Variants in B3GLCT observed in about 807,000 individuals in gnomAD.
The protein encoded by B3GLCT is beta-1,3-glucosyltransferase.
B3GLCT carries 65 observed loss-of-function variants against 63.4 expected under a neutral mutation model. That is an observed-to-expected ratio of 1.03 (90% confidence interval 0.84 to 1.26). The LOEUF is 1.26. Ranked by LOEUF, B3GLCT falls within the 50% of genes most tolerant of loss-of-function variation. The probability of loss-of-function intolerance (pLI) is 0.00; values close to 1 mark genes in which losing one functional copy is unlikely to be tolerated. For missense variants in B3GLCT, 577 were observed against 604.8 expected (o/e 0.95, Z 0.48); for synonymous variants, 233 against 219.2 (o/e 1.06, Z -0.55).
In B3GLCT at chr13:31,302,565, C is replaced by T. The variant is rs374105520; in HGVS notation, c.1065-15001C>T. 3.6e-3 allele frequency among the ~76,000 whole-genome samples: 400 copies of T among 111,020 alleles called. 5 individuals carry two copies. The highest frequency in any genetic ancestry group is 0.013 in the African/African-American group (386 of 28,962). 72.8% of individuals were successfully genotyped at this position (111,020 alleles called of 152,430 possible). A position where few individuals can be genotyped will look rare whatever the true frequency, so the allele number is the denominator to read the frequency against. ...CTTTCCGAGTCAAAGAAAGGGGTGACGGACGCACCTGGAAAATCGGGTCAC... is the reference window on the plus strand; with the variant it reads ...CTTTCCGAGTCAAAGAAAGGGGTGATGGACGCACCTGGAAAATCGGGTCAC... On this transcript the variant is annotated intron_variant, in intron 12 of 14. Coordinates refer to ENST00000343307, the MANE Select transcript of B3GLCT (RefSeq NM_194318.4).
intron 12 of B3GLCT, among the ~76,000 whole-genome samples, chr13:31,290,898 C>T (rs975114109): frequency 2.0e-5 from 3 of 152,132 alleles, no homozygotes; most frequent in Non-Finnish European, 2.9e-5. Context: ...GCTTTTGTTG[C>T]CGTTGCCTTT....
chr13:31,245,222 A>G (rs1035204806), intron 4 of B3GLCT, among the ~76,000 whole-genome samples: 30 of 152,190 alleles, frequency 2.0e-4, no homozygotes, highest in Admixed American at 2.0e-3. Context: ...TCTCCCAGGA[A>G]AGTGCTTTTG....
At chr13:31,259,825 G>GT (rs969451468) in intron 6 of B3GLCT, among the ~76,000 whole-genome samples, 113 of 147,880 alleles carry the variant, frequency 7.6e-4, no homozygotes, top group Middle Eastern at 3.5e-3. Flanking sequence ...GTTGTTTTCT[G>GT]TTTTTTTTTT....
chr13:31,216,549 A>G (rs1191553828), intron 2 of B3GLCT, among the ~76,000 whole-genome samples: 2 of 152,256 alleles, frequency 1.3e-5, no homozygotes, highest in African/African-American at 4.8e-5. Context: ...TTTGTCACCT[A>G]GGTAAGAAGC....
At chr13:31,283,607 A>T (rs887764904) in intron 10 of B3GLCT, among the ~76,000 whole-genome samples, 2 of 151,908 alleles carry the variant, frequency 1.3e-5, no homozygotes, top group Non-Finnish European at 2.9e-5. Flanking sequence ...GTTTTTTTAA[A>T]AAAAAAGCCA....
At chr13:31,320,051 A>G (rs1012037455) in intron 13 of B3GLCT, among the ~76,000 whole-genome samples, 2 of 152,060 alleles carry the variant, frequency 1.3e-5, no homozygotes, top group East Asian at 1.9e-4. Context: ...GTCATATCCT[A>G]TATGAGCTCC....
rs374412459 is a variant in B3GLCT at position 31,266,127 on chromosome 13, A to C, written c.597-3087A>C. ...ATTCTCCTGCCTCAGCCTCCCGAGT[A>C]GCTGGGACTGCAGGTGCCCGCCACC... On this transcript the variant is annotated intron_variant, in intron 7 of 14. Coordinates refer to ENST00000343307, the MANE Select transcript of B3GLCT (RefSeq NM_194318.4). 1.8e-3 allele frequency among the ~76,000 whole-genome samples: 267 copies of C among 152,118 alleles called. 1 individual carries two copies. The highest frequency in any genetic ancestry group is 6.2e-3 in the African/African-American group (256 of 41,494).
intron 2 of B3GLCT, among the ~76,000 whole-genome samples, chr13:31,216,651 T>C (rs1408843715): frequency 6.6e-6 from 1 of 152,204 alleles, no homozygotes; most frequent in East Asian, 1.9e-4. Context: ...CTTATTTGTG[T>C]CCATGTGTAC....
intron 1 of B3GLCT, among the ~76,000 whole-genome samples, chr13:31,202,126 A>T (rs1357243590): frequency 6.6e-6 from 1 of 152,248 alleles, no homozygotes; most frequent in Non-Finnish European, 1.5e-5. Context: ...ACATGTGAAC[A>T]ATCTTGATAG....
intron 12 of B3GLCT, among the ~76,000 whole-genome samples, chr13:31,294,285 G>A (rs1287711947): frequency 1.3e-5 from 2 of 152,108 alleles, no homozygotes; most frequent in African/African-American, 4.8e-5. Flanking sequence ...ACGATTATGT[G>A]TCTTAGGGTT....
rs367763508 is a variant in B3GLCT at position 31,324,701 on chromosome 13, CT to C, written c.1329+813del. 1.4e-3 allele frequency among the ~76,000 whole-genome samples: 213 copies of C among 152,108 alleles called. 2 individuals are homozygous for C. The highest frequency in any genetic ancestry group is 0.011 in the East Asian group (56 of 5,180). On this transcript the variant is annotated intron_variant, in intron 14 of 14. Coordinates refer to ENST00000343307, the MANE Select transcript of B3GLCT (RefSeq NM_194318.4). ...GATGCCTTCTCTTATATTGAAAATACTTTTTTTATGCCTTATTTATTTATTT... is the reference window on the plus strand; with the variant it reads ...GATGCCTTCTCTTATATTGAAAATACTTTTTTATGCCTTATTTATTTATTT...
Position 31,247,074 on chromosome 13 carries a change from T to C in B3GLCT, c.322T>C (p.Trp108Arg), listed in dbSNP as rs1459670351. The C allele has an allele frequency of 1.2e-6, 2 of 1,613,606 alleles. No individual in the cohort carries two copies. Among genetic ancestry groups the C allele is most frequent in the Non-Finnish European group, 1.7e-6 (2 of 1,179,832 alleles). The change falls in exon 5 of 15, where the codon TGG (tryptophan) becomes CGG (arginine). Residue 108 changes from tryptophan to arginine, a missense_variant. Coordinates refer to ENST00000343307, the MANE Select transcript of B3GLCT (RefSeq NM_194318.4). ...LHQLAKQEGA[W>R]TILPLLPHFS... ...TCAGCTGGCTAAACAAGAAGGTGCATGGACCATACTTCCGTTGTTACCGCA... is the reference window on the plus strand; with the variant it reads ...TCAGCTGGCTAAACAAGAAGGTGCACGGACCATACTTCCGTTGTTACCGCA...
chr13:31,205,244 T>TG (rs1566038005), intron 1 of B3GLCT, among the ~76,000 whole-genome samples: 1 of 151,632 alleles, frequency 6.6e-6, no homozygotes, highest in African/African-American at 2.4e-5. Context: ...GGTTTTTTTT[T>TG]TTTGTTTTTT....
chr13:31,235,665 C>T (rs1870613851), intron 4 of B3GLCT, among the ~76,000 whole-genome samples: 1 of 152,144 alleles, frequency 6.6e-6, no homozygotes, highest in African/African-American at 2.4e-5. Flanking sequence ...GCTGGCACCA[C>T]CACTGTTATT....
At chr13:31,212,267 CTTTTTTT>C (rs59719685) in intron 1 of B3GLCT, among the ~76,000 whole-genome samples, 4 of 91,638 alleles carry the variant, frequency 4.4e-5, no homozygotes, top group South Asian at 4.1e-4. Flanking sequence ...GCATAACTGG[CTTTTTTT>C]TTTTTTTTTT....
chr13:31,207,807 T>G (rs975124617), intron 1 of B3GLCT, among the ~76,000 whole-genome samples: 5 of 152,212 alleles, frequency 3.3e-5, no homozygotes, highest in African/African-American at 1.2e-4. Context: ...AGGCTTGGCC[T>G]CCTTCCTCAC....
chr13:31,257,168 CAT>C (rs1374369029), intron 6 of B3GLCT, among the ~76,000 whole-genome samples: 1 of 152,020 alleles, frequency 6.6e-6, no homozygotes, highest in Non-Finnish European at 1.5e-5. Flanking sequence ...AACATAACAA[CAT>C]GTTTTCCATA....
At chr13:31,237,353 G>GT (rs372747180) in intron 4 of B3GLCT, among the ~76,000 whole-genome samples, 88,195 of 130,938 alleles carry the variant, frequency 0.67, 30,269 homozygotes, top group East Asian at 0.92. Context: ...GCTGGAGGCT[G>GT]TTTTTTTTTT....
At chr13:31,327,435 G>C (rs1875689433) in intron 14 of B3GLCT, among the ~76,000 whole-genome samples, 1 of 152,158 alleles carries the variant, frequency 6.6e-6, no homozygotes, top group African/African-American at 2.4e-5. Context: ...GGACACCCCA[G>C]ATTTCATCCT....
Sources: allele counts gnomAD v4.1 joint callset (sites outside exome capture counted in the v4.1 genomes callset), GRCh38; gene constraint gnomAD v4.1.1; transcripts MANE v1.5; gene names NCBI Gene and HGNC (gene_info 2026-07-23, HGNC 2026-07-21).